CLCN5: variants seen among roughly 807,000 people sequenced by gnomAD.
The protein encoded by CLCN5 is H(+)/Cl(-) exchange transporter 5.
A neutral mutation model predicts 54.0 loss-of-function variants in CLCN5; 17 were observed. The observed-to-expected ratio is 0.31, with a 90% CI of 0.22 to 0.47. The LOEUF is 0.47. Ranked by LOEUF, CLCN5 falls within the 20% of genes least tolerant of loss-of-function variation. The probability of loss-of-function intolerance (pLI) is 1.00; values close to 1 mark genes in which losing one functional copy is unlikely to be tolerated. For synonymous variants in CLCN5, 222 were observed against 233.0 expected, an observed-to-expected ratio of 0.95 and a Z score of 0.43; for missense variants, 448 against 646.7, an observed-to-expected ratio of 0.69 and a Z score of 3.33.
chrX:49,996,599 A>G lies in CLCN5; in HGVS notation c.17-45717A>G, dbSNP rs187019480. Among the ~76,000 whole-genome samples, 13 of 112,573 alleles carry G rather than the reference A, an allele frequency of 1.2e-4. No homozygotes were observed. The East Asian group carries it at 3.3e-3, about 29-fold the overall frequency. On this transcript the variant is annotated intron_variant, in intron 3 of 14. Transcript: ENST00000376091. ...TTTAAATCAGCTCATTTTAAATATT[A>G]AAACATGTATTTTAAAACATGTAGC...
intron 5 of CLCN5, among the ~76,000 whole-genome samples, chrX:50,071,743 A>G (rs1389141695): frequency 8.9e-6 from 1 of 112,108 alleles, no homozygotes; most frequent in Non-Finnish European, 1.9e-5. Flanking sequence ...AGAATAATTT[A>G]TTGTCTGTGA....
intron 11 of CLCN5, 181 bp from the exon 12 acceptor site, chrX:50,088,517 G>A (rs781892068): frequency 4.2e-6 from 2 of 471,511 alleles, no homozygotes; most frequent in South Asian, 3.1e-5. Context: ...TTGCCTGCAC[G>A]TCCCAGAGAA....
In CLCN5 at chrX:50,090,465, C is replaced by T. The variant is rs1934052312; in HGVS notation, c.2094C>T (p.Ser698=). The change falls in exon 13 of 15, where the codon TCC becomes TCT. Residue 698 remains serine, a synonymous_variant. Coordinates refer to ENST00000376091, the MANE Select transcript of CLCN5 (RefSeq NM_001127898.4). ...SGFPVVVSRE[S]QRLVGFVLRR... is the part of the protein sequence containing the mutation. The stretch of plus-strand genomic sequence containing the variant: ...TCCCAGTGGTGGTATCCCGGGAGTC[C>T]CAAAGACTTGTGGGCTTTGTCCTCC... 1 of 1,206,959 alleles carries T rather than the reference C, an allele frequency of 8.3e-7. No homozygotes were observed. Among genetic ancestry groups the T allele is most frequent in the African/African-American group, 1.8e-5 (1 of 56,655 alleles).
chrX:49,996,817 A>G (rs1196757614), intron 3 of CLCN5, among the ~76,000 whole-genome samples: 2 of 112,186 alleles, frequency 1.8e-5, no homozygotes, highest in African/African-American at 6.5e-5. Context: ...TAAGGACCAC[A>G]GCATGGCCTT....
At chrX:50,002,681 C>CTGTG (rs60257335) in intron 3 of CLCN5, among the ~76,000 whole-genome samples, 1,202 of 94,744 alleles carry the variant, frequency 0.013, 12 homozygotes, top group Middle Eastern at 0.022. Flanking sequence ...CTCTCTCTCT[C>CTGTG]TGTGTGTGTG....
In CLCN5 at chrX:49,937,429, G is replaced by A. The variant is rs137944002; in HGVS notation, c.16+12115G>A. Among the ~76,000 whole-genome samples the A allele has an allele frequency of 7.0e-4, 78 of 111,077 alleles. 2 individuals are homozygous for A. In the East Asian group the frequency reaches 0.02, roughly 29 times the overall value. On this transcript the variant is annotated intron_variant, in intron 3 of 14. Coordinates refer to ENST00000376091, the MANE Select transcript of CLCN5 (RefSeq NM_001127898.4). The stretch of plus-strand genomic sequence containing the variant: ...CTTTACCTCACTAGATTATTTCCTC[G>A]ACAATTTATACTAAGAAATAAAAGG...
chrX:49,976,718 A>G (rs782496197), intron 3 of CLCN5, among the ~76,000 whole-genome samples: 1 of 112,384 alleles, frequency 8.9e-6, no homozygotes, highest in Non-Finnish European at 1.9e-5. Flanking sequence ...GTCTATGTAC[A>G]TAACTATTTT....
At chrX:49,926,711 G>GGA (rs1260070421) in intron 3 of CLCN5, among the ~76,000 whole-genome samples, 1 of 111,928 alleles carries the variant, frequency 8.9e-6, no homozygotes, top group African/African-American at 3.3e-5. Context: ...GTATGTTCTA[G>GGA]GAAGGATTTT....
intron 7 of CLCN5, among the ~76,000 whole-genome samples, chrX:50,078,314 A>G (rs1557192494): frequency 9.0e-6 from 1 of 111,194 alleles, no homozygotes; most frequent in Admixed American, 9.5e-5. Flanking sequence ...AACCTGGGCA[A>G]TGGAGTGAGA....
intron 4 of CLCN5, among the ~76,000 whole-genome samples, chrX:50,052,157 A>G (rs183533776): frequency 8.9e-6 from 1 of 111,936 alleles, no homozygotes; most frequent in African/African-American, 3.2e-5. Flanking sequence ...TATTAGCTGT[A>G]GGGCCTTTTT....
intron 3 of CLCN5, among the ~76,000 whole-genome samples, chrX:49,997,992 A>G (rs1448535318): frequency 2.7e-5 from 3 of 111,048 alleles, no homozygotes; most frequent in African/African-American, 6.6e-5. Flanking sequence ...GGTCAGGGGC[A>G]TTCATGAGGA....
chrX:50,057,034 G>A (rs1252927843), intron 4 of CLCN5, among the ~76,000 whole-genome samples: 1 of 111,336 alleles, frequency 9.0e-6, no homozygotes, highest in Non-Finnish European at 1.9e-5. Flanking sequence ...GCTGTGAACA[G>A]GAACCAAAGC....
chrX:50,019,369 C>T (rs1422903953), intron 3 of CLCN5, among the ~76,000 whole-genome samples: 1 of 107,420 alleles, frequency 9.3e-6, no homozygotes, highest in Admixed American at 1.0e-4. Context: ...CATTTTAATA[C>T]ATACAATGTA....
chrX:49,953,483 A>T (rs2147292962), intron 3 of CLCN5, among the ~76,000 whole-genome samples: 1 of 109,764 alleles, frequency 9.1e-6, no homozygotes, highest in East Asian at 2.9e-4. Context: ...TTTTTTAATT[A>T]TTTGTAGATA....
chrX:50,037,626 G>A (rs1289920774), intron 3 of CLCN5, among the ~76,000 whole-genome samples: 1 of 111,392 alleles, frequency 9.0e-6, no homozygotes, highest in Non-Finnish European at 1.9e-5. Flanking sequence ...AAGAGTTGAG[G>A]AAAAGATAGG....
intron 3 of CLCN5, among the ~76,000 whole-genome samples, chrX:49,993,065 T>C (rs1345547426): frequency 9.0e-6 from 1 of 111,551 alleles, no homozygotes; most frequent in African/African-American, 3.3e-5. Flanking sequence ...CCTGTGAACT[T>C]CTGGCATTAG....
At chrX:50,000,128 G>A (rs1484910591) in intron 3 of CLCN5, among the ~76,000 whole-genome samples, 1 of 109,382 alleles carries the variant, frequency 9.1e-6, no homozygotes, top group Non-Finnish European at 1.9e-5. Context: ...TGGACTGTGG[G>A]TTTCCCCATC....
At chrX:49,986,328 C>T (rs1215327688) in intron 3 of CLCN5, among the ~76,000 whole-genome samples, 1 of 111,146 alleles carries the variant, frequency 9.0e-6, no homozygotes, top group Non-Finnish European at 1.9e-5. Flanking sequence ...ATTAATAATC[C>T]TTGTTATTCT....
chrX:49,955,858 G>A (rs571873267), intron 3 of CLCN5, among the ~76,000 whole-genome samples: 41 of 111,784 alleles, frequency 3.7e-4, no homozygotes, highest in African/African-American at 1.3e-3. Flanking sequence ...CAGTTGATGG[G>A]GGCAGGGGTT....
Sources: gnomAD v4.1 joint callset for allele counts (sites outside exome capture counted in the v4.1 genomes callset) on GRCh38, gnomAD v4.1.1 for gene constraint, MANE v1.5 for transcripts, NCBI Gene and HGNC (gene_info 2026-07-23, HGNC 2026-07-21) for gene names.